The following CDC6 variants were observed in gnomAD, a reference collection of about 807,000 sequenced individuals.
CDC6 encodes cell division cycle 6.
A neutral mutation model predicts 60.2 loss-of-function variants in CDC6; 46 were observed. The ratio of observed to expected loss-of-function variants is 0.76; its 90% confidence interval spans 0.60 to 0.98. The LOEUF is 0.98. Among genes scored for constraint, CDC6 ranks in the 50% least tolerant of loss-of-function variants. CDC6 has a pLI of 0.00. For synonymous variants in CDC6, 210 were observed against 233.2 expected, an observed-to-expected ratio of 0.90 and a Z score of 0.90; for missense variants, 596 against 652.9, an observed-to-expected ratio of 0.91 and a Z score of 0.95.
chr17:40,295,484 TA>T (rs1225616473), intron 8 of CDC6, 28 bp downstream of exon 8: 1 of 1,390,292 alleles, frequency 7.2e-7, no homozygotes. Context: ...TGCATTCTTT[TA>T]TTAAAAAAAA....
intron 2 of CDC6, among the ~76,000 whole-genome samples, chr17:40,290,506 A>T (rs2032738414): frequency 6.6e-6 from 1 of 152,190 alleles, no homozygotes. Flanking sequence ...CTGTTTCAAA[A>T]TAGCCTTACA....
At chr17:40,288,709 C>T (rs1432468283) in intron 1 of CDC6, among the ~76,000 whole-genome samples, 7 of 151,992 alleles carry the variant, frequency 4.6e-5, no homozygotes, top group African/African-American at 7.3e-5. Flanking sequence ...CTCAGCCTCC[C>T]GAGTAGCTGG....
At chr17:40,293,659 CTG>C in intron 5 of CDC6, 28 bp downstream of exon 5, 1 of 1,541,126 alleles carries the variant, frequency 6.5e-7, no homozygotes, top group East Asian at 2.2e-5. Flanking sequence ...TCATGTTGCT[CTG>C]TGAAAATCTG....
chr17:40,301,766 G>A, intron 11 of CDC6, 146 bp from the exon 12 acceptor site: 3 of 883,904 alleles, frequency 3.4e-6, no homozygotes. Flanking sequence ...AGTGTGATAT[G>A]AATATTTTTT....
At chr17:40,292,093 G>A (rs1206028579) in intron 4 of CDC6, among the ~76,000 whole-genome samples, 8 of 152,116 alleles carry the variant, frequency 5.3e-5, no homozygotes, top group African/African-American at 1.9e-4. Flanking sequence ...CTGGAGTGCA[G>A]TGTTGTGATC....
rs547739142 is a variant in CDC6, at chr17:40,299,445, G to GTGTGTTGTCCCCACTATGTGTCTA, written c.1250-1376_1250-1353dup. 3.4e-3 allele frequency among the ~76,000 whole-genome samples: 522 copies of GTGTGTTGTCCCCACTATGTGTCTA among 152,068 alleles called. 3 individuals carry two copies. Among genetic ancestry groups the GTGTGTTGTCCCCACTATGTGTCTA allele is most frequent in the African/African-American group, 0.012 (502 of 41,486 alleles). ...CCTCCACCCTCCTATAGGCCCCAGT[G>GTGTGTTGTCCCCACTATGTGTCTA]TGTGTTGTCCCCACTATGTGTCTAT... On this transcript the variant is annotated intron_variant, in intron 9 of 11. Coordinates refer to ENST00000209728, the MANE Select transcript of CDC6 (RefSeq NM_001254.4).
In CDC6 at chr17:40,303,894, G is replaced by T. The variant is rs1339438849; in HGVS notation, c.*1893G>T. ...TCCACACTGTGGGCAGCTGCTGTCTGTTCTGTGTCCACAGTAGGATCCTGC... is the reference window on the plus strand; with the variant it reads ...TCCACACTGTGGGCAGCTGCTGTCTTTTCTGTGTCCACAGTAGGATCCTGC... On this transcript the variant is annotated 3_prime_UTR_variant, in exon 12 of 12. Coordinates refer to ENST00000209728, the MANE Select transcript of CDC6 (RefSeq NM_001254.4). The T allele has an allele frequency of 6.6e-6, 1 of 152,242 alleles. No individual in the cohort carries two copies. The highest frequency in any genetic ancestry group is 1.5e-5 in the Non-Finnish European group (1 of 68,046). The allele number at this position is 152,242 out of a possible 1,614,324, so 9.4% of individuals were successfully genotyped here.
chr17:40,299,066 C>G (rs2032898706), intron 9 of CDC6, among the ~76,000 whole-genome samples: 1 of 146,884 alleles, frequency 6.8e-6, no homozygotes, highest in South Asian at 2.1e-4. Context: ...GAAGTAACTT[C>G]AGGTAAAGGT....
Position 40,289,573 on chromosome 17 carries a change from G to T in CDC6, c.153G>T (p.Leu51=). The T allele has an allele frequency of 6.2e-7, 1 of 1,613,952 alleles. No homozygotes were observed. Among genetic ancestry groups the T allele is most frequent in the Non-Finnish European group, 8.5e-7 (1 of 1,179,976 alleles). ...CCTGTTCTCCTCGTGTAAAAGCCCT[G>T]CCTCTCAGCCCCAGGAAACGTCTGG... ...TVTCSPRVKA[L]PLSPRKRLGD... is the part of the protein sequence containing the mutation. Residue 51 remains leucine, a synonymous_variant, in exon 2 of 12, where the codon CTG becomes CTT. Coordinates refer to ENST00000209728, the MANE Select transcript of CDC6 (RefSeq NM_001254.4).
At chr17:40,292,385 C>T (rs2143079053) in intron 4 of CDC6, among the ~76,000 whole-genome samples, 1 of 151,796 alleles carries the variant, frequency 6.6e-6, no homozygotes, top group East Asian at 2.0e-4. Flanking sequence ...AATCCCAGCA[C>T]TTTGGGAGGC....
chr17:40,292,154 G>A (rs4135006), intron 4 of CDC6, among the ~76,000 whole-genome samples: 2,618 of 152,154 alleles, frequency 0.017, 53 homozygotes, highest in African/African-American at 0.06. Context: ...CTCCCACCTC[G>A]GCCTCCTGGA....
chr17:40,294,974 C>T (rs1276745167), intron 7 of CDC6, among the ~76,000 whole-genome samples: 1 of 152,178 alleles, frequency 6.6e-6, no homozygotes, highest in Non-Finnish European at 1.5e-5. Flanking sequence ...ATATGCCTGT[C>T]TCGGCCTCTC....
At chr17:40,296,863 C>A in intron 9 of CDC6, 96 bp downstream of exon 9, 1 of 854,230 alleles carries the variant, frequency 1.2e-6, no homozygotes, top group Non-Finnish European at 2.0e-6. Flanking sequence ...TAGTTAAATC[C>A]AAACTCACCC....
chr17:40,300,867 G>T lies in CDC6; in HGVS notation c.1289G>T (p.Gly430Val). 6.2e-7 allele frequency: 1 copy of T among 1,614,122 alleles called. No individual in the cohort carries two copies. Among genetic ancestry groups the T allele is most frequent in the Non-Finnish European group, 8.5e-7 (1 of 1,179,984 alleles). Residue 430 changes from glycine (G) to valine (V), a missense_variant, in exon 10 of 12, where the codon GGT becomes GTT. By Grantham distance (109) the Gly-to-Val change is moderately radical. Coordinates refer to ENST00000209728, the MANE Select transcript of CDC6 (RefSeq NM_001254.4). ...GAGCCTCTGATTCCCAAGAGGGTTG[G>T]TCTTATTCACATATCCCAAGTCATC... Reference protein sequence around the residue: ...PSEPLIPKRVGLIHISQVISE... With the variant: ...PSEPLIPKRVVLIHISQVISE...
In CDC6 at chr17:40,288,645, C is replaced by T. The variant is rs1489389492; in HGVS notation, c.-14+555C>T. ...GGTCTCCCAGGCTGGAGTGCAGTGG[C>T]GCGATCTCGGCTCACTGCAAGCTCC... On this transcript the variant is annotated intron_variant, in intron 1 of 11. Transcript: ENST00000209728. Among the ~76,000 whole-genome samples, 8 of 142,948 alleles carry T rather than the reference C, an allele frequency of 5.6e-5. No individual in the cohort carries two copies. In the East Asian group the frequency reaches 1.2e-3, roughly 22 times the overall value. 93.8% of individuals were successfully genotyped at this position (142,948 alleles called of 152,430 possible).
chr17:40,295,289 T>C, intron 7 of CDC6, 67 bp from the exon 8 acceptor site: 3 of 1,031,456 alleles, frequency 2.9e-6, no homozygotes, highest in African/African-American at 3.1e-5. Context: ...ATATTTATGC[T>C]TGGGACCTAA....
At position 40,300,970 on chromosome 17, in the gene CDC6, G is replaced by T. The variant is rs1567737186; in HGVS notation, c.1392G>T (p.Leu464Phe). The change falls in exon 10 of 12, where the codon TTG becomes TTT. Residue 464 changes from leucine to phenylalanine, a missense_variant. By Grantham distance (22) the Leu-to-Phe change is conservative. Transcript: ENST00000209728. ...QDSFPLQQKILVCSLMLLIRQ... is the reference protein window; with the variant it reads ...QDSFPLQQKIFVCSLMLLIRQ... ...CCTTCCCTCTTCAGCAGAAGATCTT[G>T]GTTTGCTCTTTGATGCTCTTGATCA... The T allele has an allele frequency of 1.9e-6, 3 of 1,614,036 alleles. 1 individual carries two copies. Among genetic ancestry groups the T allele is most frequent in the Middle Eastern group, 3.3e-4 (2 of 6,054 alleles).
At chr17:40,291,416 G>T (rs979276470) in intron 3 of CDC6, 53 bp from the exon 4 acceptor site, 2 of 1,611,546 alleles carry the variant, frequency 1.2e-6, no homozygotes, top group East Asian at 4.5e-5. Flanking sequence ...CACCCACTGG[G>T]TCTTCTCATT....
chr17:40,297,921 G>A (rs1205199832), intron 9 of CDC6, among the ~76,000 whole-genome samples: 1 of 152,184 alleles, frequency 6.6e-6, no homozygotes, highest in African/African-American at 2.4e-5. Flanking sequence ...CCTCAGCCTT[G>A]TTTTGGTTGT....
Sources: gnomAD v4.1 joint callset for allele counts (sites outside exome capture counted in the v4.1 genomes callset) on GRCh38, gnomAD v4.1.1 for gene constraint, MANE v1.5 for transcripts, NCBI Gene and HGNC (gene_info 2026-07-23, HGNC 2026-07-21) for gene names.